HS2ST1: variants seen among roughly 807,000 people sequenced by gnomAD.
HS2ST1 encodes the protein heparan sulfate 2-O-sulfotransferase 1, also known as 2-O-sulfotransferase.
A neutral mutation model predicts 42.9 loss-of-function variants in HS2ST1; 18 were observed. The ratio of observed to expected loss-of-function variants is 0.42; its 90% CI spans 0.29 to 0.62. The LOEUF is 0.62. Among genes scored for constraint, HS2ST1 ranks in the 20% least tolerant of loss-of-function variants. HS2ST1 has a pLI of 0.21. For synonymous variants in HS2ST1, 146 were observed against 152.9 expected (o/e 0.95, Z 0.33); for missense variants, 334 against 433.8 (o/e 0.77, Z 2.04).
chr1:86,923,114 C>T (rs1057319062), intron 1 of HS2ST1, among the ~76,000 whole-genome samples: 3 of 152,242 alleles, frequency 2.0e-5, no homozygotes, highest in South Asian at 4.1e-4. Flanking sequence ...TTTAATATTA[C>T]CCAGTTTATT....
intron 5 of HS2ST1, among the ~76,000 whole-genome samples, chr1:87,102,553 A>T (rs1652238596): frequency 6.6e-6 from 1 of 152,156 alleles, no homozygotes; most frequent in South Asian, 2.1e-4. Flanking sequence ...AAACCATATC[A>T]CTATGTAGTC....
chr1:87,055,561 G>C (rs982870195), intron 1 of HS2ST1, among the ~76,000 whole-genome samples: 1 of 152,076 alleles, frequency 6.6e-6, no homozygotes, highest in South Asian at 2.1e-4. Flanking sequence ...GAAGTCCCGC[G>C]TGGGTTACTT....
intron 1 of HS2ST1, among the ~76,000 whole-genome samples, chr1:86,954,040 T>TAA (rs367757359): frequency 2.6e-3 from 175 of 67,286 alleles, no homozygotes; most frequent in Admixed American, 3.8e-3. Context: ...CTGTTTTTTT[T>TAA]AAAAAAAAAA....
chr1:87,039,353 T>C (rs1388233886), intron 1 of HS2ST1, among the ~76,000 whole-genome samples: 1 of 152,224 alleles, frequency 6.6e-6, no homozygotes, highest in Non-Finnish European at 1.5e-5. Flanking sequence ...ACCATAGGTA[T>C]CTTTGCTATT....
At chr1:86,981,857 C>T (rs1207540428) in intron 1 of HS2ST1, among the ~76,000 whole-genome samples, 1 of 152,242 alleles carries the variant, frequency 6.6e-6, no homozygotes, top group East Asian at 1.9e-4. Flanking sequence ...CTCAACTAGG[C>T]AGTGCCCCAG....
intron 1 of HS2ST1, among the ~76,000 whole-genome samples, chr1:87,001,477 T>G (rs1649281613): frequency 6.6e-6 from 1 of 152,242 alleles, no homozygotes; most frequent in Admixed American, 6.5e-5. Flanking sequence ...TTTAAATGGT[T>G]TCTAAAAGTC....
Position 86,980,145 on chromosome 1 carries a change from A to G in HS2ST1, c.124+64985A>G, listed in dbSNP as rs979558389. On this transcript the variant is annotated intron_variant, in intron 1 of 6. Coordinates refer to ENST00000370550, the MANE Select transcript of HS2ST1 (RefSeq NM_012262.4). ...TGTGTATTGAATGCCTGCTCACTCT[A>G]TGTTGGGCAATGTGCTAAGCATTGA... is the stretch of plus-strand genomic sequence containing the variant. Among the ~76,000 whole-genome samples the G allele has an allele frequency of 7.9e-5, 12 of 152,224 alleles. No individual in the cohort carries two copies. In the South Asian group the frequency reaches 1.2e-3, roughly 16 times the overall value.
rs559999286 is a variant in HS2ST1 at position 87,084,256 on chromosome 1, C to T, written c.426C>T (p.His142=). Residue 142 remains histidine, a synonymous_variant, in exon 3 of 7, where the codon CAC becomes CAT. Transcript: ENST00000370550. Reference sequence around the variant, plus strand: ...TGAAACCAGGATTTTATCATGGACACGTTTCTTACTTGGATTTTGCAAAGT... The same window carrying T: ...TGAAACCAGGATTTTATCATGGACATGTTTCTTACTTGGATTTTGCAAAGT... ...KEMKPGFYHG[H]VSYLDFAKFG... is the part of the protein sequence containing the mutation. 38 of 1,604,484 alleles carry T rather than the reference C, an allele frequency of 2.4e-5. No individual in the cohort carries two copies. In the South Asian group the frequency reaches 3.5e-4, roughly 15 times the overall value.
intron 1 of HS2ST1, among the ~76,000 whole-genome samples, chr1:87,041,372 A>G (rs1482673850): frequency 6.6e-6 from 1 of 151,928 alleles, no homozygotes; most frequent in African/African-American, 2.4e-5. Flanking sequence ...GGGTTACAGA[A>G]TGAGATCCTG....
chr1:87,021,705 A>C (rs957307575), intron 1 of HS2ST1, among the ~76,000 whole-genome samples: 1 of 152,116 alleles, frequency 6.6e-6, no homozygotes, highest in Non-Finnish European at 1.5e-5. Flanking sequence ...TTATGGAGAC[A>C]CAGTCTCACT....
intron 1 of HS2ST1, among the ~76,000 whole-genome samples, chr1:86,939,650 C>T (rs1224725560): frequency 6.6e-6 from 1 of 152,186 alleles, no homozygotes; most frequent in East Asian, 1.9e-4. Flanking sequence ...TAGGGTGTGG[C>T]CTGCGCCTCA....
At chr1:86,963,645 G>C (rs1647925678) in intron 1 of HS2ST1, among the ~76,000 whole-genome samples, 1 of 151,320 alleles carries the variant, frequency 6.6e-6, no homozygotes, top group Admixed American at 6.6e-5. Context: ...TCGTCATCAT[G>C]GCCCGTTCTC....
chr1:87,073,246 A>G, intron 2 of HS2ST1, 74 bp downstream of exon 2: 1 of 988,048 alleles, frequency 1.0e-6, no homozygotes, highest in East Asian at 2.4e-5. Context: ...CAAGGGGATA[A>G]AGTATTTTAA....
intron 1 of HS2ST1, among the ~76,000 whole-genome samples, chr1:86,960,668 TC>T (rs1229923324): frequency 6.6e-6 from 1 of 152,182 alleles, no homozygotes; most frequent in Non-Finnish European, 1.5e-5. Flanking sequence ...AGCAAGCATT[TC>T]AAAAGATGTT....
chr1:86,921,127 C>T (rs1337987050), intron 1 of HS2ST1, among the ~76,000 whole-genome samples: 5 of 151,980 alleles, frequency 3.3e-5, no homozygotes, highest in African/African-American at 7.3e-5. Context: ...TCCAGGTGAA[C>T]GTGAAAAATA....
At chr1:86,955,458 G>T (rs951913094) in intron 1 of HS2ST1, among the ~76,000 whole-genome samples, 1 of 151,132 alleles carries the variant, frequency 6.6e-6, no homozygotes, top group African/African-American at 2.4e-5. Context: ...AACCATTCCC[G>T]CCCACCCCCT....
At chr1:87,072,890 A>T in intron 1 of HS2ST1, 44 bp from the exon 2 acceptor site, 2 of 1,359,900 alleles carry the variant, frequency 1.5e-6, no homozygotes, top group Non-Finnish European at 2.1e-6. Flanking sequence ...TAACTTCCTT[A>T]TAGTGTCCTT....
intron 1 of HS2ST1, among the ~76,000 whole-genome samples, chr1:86,921,504 G>A (rs141206284): frequency 1.3e-5 from 2 of 152,120 alleles, no homozygotes; most frequent in Non-Finnish European, 2.9e-5. Flanking sequence ...CGATGCAACA[G>A]TATTGGGGCG....
At chr1:86,937,983 A>C (rs906123147) in intron 1 of HS2ST1, among the ~76,000 whole-genome samples, 38 of 152,150 alleles carry the variant, frequency 2.5e-4, no homozygotes, top group Non-Finnish European at 5.9e-5. Flanking sequence ...CCTTTATTAC[A>C]TGTGTACTCA....
Sources: allele counts gnomAD v4.1 joint callset (sites outside exome capture counted in the v4.1 genomes callset), GRCh38; gene constraint gnomAD v4.1.1; transcripts MANE v1.5; gene names NCBI Gene and HGNC (gene_info 2026-07-23, HGNC 2026-07-21).